Variants in GABRG3 observed in about 807,000 individuals in gnomAD.
The protein encoded by GABRG3 is gamma-aminobutyric acid type A receptor subunit gamma3.
Under a neutral mutation model 48.8 loss-of-function variants are expected in GABRG3, and 25 were observed. The observed-to-expected ratio is 0.51, with a 90% CI of 0.37 to 0.72. The LOEUF (loss-of-function observed/expected upper bound fraction) is 0.72, where lower values mean the gene tolerates loss of function less well. Ranked by LOEUF, GABRG3 falls within the 30% of genes least tolerant of loss-of-function variation. GABRG3 has a pLI of 0.00. For missense variants in GABRG3, 394 were observed against 577.9 expected (o/e 0.68, Z 3.26); for synonymous variants, 227 against 217.6 (o/e 1.04, Z -0.38).
rs1468649460 is a variant in GABRG3, at chr15:27,500,950, A to ATTT, written c.713-19021_713-19020insTTT. Among the ~76,000 whole-genome samples, 480 of 108,308 alleles carry ATTT rather than the reference A, an allele frequency of 4.4e-3. 2 individuals are homozygous for ATTT. The highest frequency in any genetic ancestry group is 0.019 in the African/African-American group (465 of 24,842). 71.1% of individuals were successfully genotyped at this position (108,308 alleles called of 152,430 possible). A position where few individuals can be genotyped will look rare whatever the true frequency, so the allele number is the denominator to read the frequency against. ...GTCTGAGAAAAATAGGAAGTAACGT[A>ATTT]TGTTTTTTTTTTTTTTTTTTGAGAC... On this transcript the variant is annotated intron_variant, in intron 6 of 9. Coordinates refer to ENST00000615808, the MANE Select transcript of GABRG3 (RefSeq NM_033223.5).
chr15:27,320,687 CCA>C (rs1323377828), intron 3 of GABRG3, among the ~76,000 whole-genome samples: 1 of 151,886 alleles, frequency 6.6e-6, no homozygotes, highest in Non-Finnish European at 1.5e-5. Flanking sequence ...GAGTTTGCAG[CCA>C]AAAGATGCAG....
chr15:27,470,726 T>C (rs965009321), intron 5 of GABRG3, among the ~76,000 whole-genome samples: 1 of 152,162 alleles, frequency 6.6e-6, no homozygotes, highest in African/African-American at 2.4e-5. Context: ...TTGCCATTTT[T>C]ACTTTTCTTA....
chr15:27,199,371 A>T (rs1888608759), intron 3 of GABRG3, among the ~76,000 whole-genome samples: 1 of 152,112 alleles, frequency 6.6e-6, no homozygotes, highest in Non-Finnish European at 1.5e-5. Context: ...CGTTTGATGG[A>T]GTATGAGCGA....
chr15:27,162,980 T>C (rs1887246424), intron 3 of GABRG3, among the ~76,000 whole-genome samples: 1 of 151,924 alleles, frequency 6.6e-6, no homozygotes, highest in Admixed American at 6.5e-5. Context: ...CCTACAATCT[T>C]AGTAGGTGAC....
chr15:27,425,470 G>A (rs948170167), intron 5 of GABRG3, among the ~76,000 whole-genome samples: 2 of 142,774 alleles, frequency 1.4e-5, no homozygotes, highest in Non-Finnish European at 3.0e-5. Flanking sequence ...AAAAAAATAG[G>A]CGTGGTGGTG....
chr15:27,488,061 A>G (rs1890262861), intron 6 of GABRG3, among the ~76,000 whole-genome samples: 1 of 152,156 alleles, frequency 6.6e-6, no homozygotes, highest in African/African-American at 2.4e-5. Flanking sequence ...CACTGGATAA[A>G]AGCCAAACAG....
At chr15:27,453,561 G>C (rs1889172975) in intron 5 of GABRG3, among the ~76,000 whole-genome samples, 1 of 152,068 alleles carries the variant, frequency 6.6e-6, no homozygotes, top group Non-Finnish European at 1.5e-5. Flanking sequence ...TCCTTCAAAG[G>C]ATTTTAAATG....
chr15:27,329,090 C>T (rs114527718), intron 5 of GABRG3, among the ~76,000 whole-genome samples: 185 of 152,216 alleles, frequency 1.2e-3, no homozygotes, highest in African/African-American at 4.0e-3. Context: ...TAGGTGATCT[C>T]GATAAGGCTG....
intron 5 of GABRG3, among the ~76,000 whole-genome samples, chr15:27,396,742 CAACT>C (rs1887310112): frequency 6.6e-6 from 1 of 152,122 alleles, no homozygotes; most frequent in African/African-American, 2.4e-5. Context: ...AGACTTCCTT[CAACT>C]GATTAATTGA....
chr15:27,050,082 A>G (rs770157761), intron 3 of GABRG3, among the ~76,000 whole-genome samples: 4 of 152,206 alleles, frequency 2.6e-5, no homozygotes, highest in Non-Finnish European at 5.9e-5. Flanking sequence ...GAGGAAGAAG[A>G]TTTAAATTTA....
chr15:27,306,679 T>TACACA (rs1566768796), intron 3 of GABRG3, among the ~76,000 whole-genome samples: 1 of 80,684 alleles, frequency 1.2e-5, no homozygotes, highest in African/African-American at 4.7e-5. Context: ...TATATAAACA[T>TACACA]ATATATGAAC....
At chr15:27,108,174 A>G (rs1386952905) in intron 3 of GABRG3, among the ~76,000 whole-genome samples, 6 of 151,864 alleles carry the variant, frequency 4.0e-5, no homozygotes, top group Non-Finnish European at 8.8e-5. Context: ...ATTCTTTTCT[A>G]ATACATTTGT....
intron 2 of GABRG3, among the ~76,000 whole-genome samples, chr15:27,013,065 A>G (rs773883451): frequency 2.6e-5 from 4 of 152,132 alleles, no homozygotes; most frequent in Non-Finnish European, 5.9e-5. Context: ...AAAATAAAAT[A>G]TTTTGTAGTA....
intron 3 of GABRG3, among the ~76,000 whole-genome samples, chr15:27,313,264 ATAT>A (rs1893078741): frequency 9.0e-5 from 1 of 11,154 alleles, no homozygotes; most frequent in Non-Finnish European, 1.6e-4. Flanking sequence ...GTGTGTGTGT[ATAT>A]ATATATATAT....
At chr15:27,441,216 A>AAAG (rs1888774318) in intron 5 of GABRG3, among the ~76,000 whole-genome samples, 1 of 152,196 alleles carries the variant, frequency 6.6e-6, no homozygotes, top group Non-Finnish European at 1.5e-5. Context: ...TTTCTTTTTC[A>AAAG]AAGGAATGGA....
At position 27,302,232 on chromosome 15, in the gene GABRG3, A is replaced by G. The variant is rs541209826; in HGVS notation, c.271-24577A>G. Among the ~76,000 whole-genome samples the G allele has an allele frequency of 1.5e-3, 229 of 152,272 alleles. 1 individual carries two copies. Among genetic ancestry groups the G allele is most frequent in the African/African-American group, 5.3e-3 (219 of 41,572 alleles). On this transcript the variant is annotated intron_variant, in intron 3 of 9. Coordinates refer to ENST00000615808, the MANE Select transcript of GABRG3 (RefSeq NM_033223.5). Reference sequence around the variant, plus strand: ...GTCTGATAGAATTCTCCATGTATGTATAAGACAGCTATAGAATAAAGTGGA... The same window carrying G: ...GTCTGATAGAATTCTCCATGTATGTGTAAGACAGCTATAGAATAAAGTGGA...
intron 5 of GABRG3, among the ~76,000 whole-genome samples, chr15:27,338,564 T>G (rs1481072766): frequency 6.6e-6 from 1 of 152,126 alleles, no homozygotes; most frequent in Admixed American, 6.5e-5. Context: ...TGCAGAGTGT[T>G]GACTTGGGGA....
At chr15:27,305,468 G>C (rs1892368784) in intron 3 of GABRG3, among the ~76,000 whole-genome samples, 1 of 148,558 alleles carries the variant, frequency 6.7e-6, no homozygotes. Flanking sequence ...TATGGATTGT[G>C]TGTGTGTGGT....
At chr15:27,353,426 C>CTATTTATTTATTTATTTATTTATTTATT (rs59969384) in intron 5 of GABRG3, among the ~76,000 whole-genome samples, 1 of 146,016 alleles carries the variant, frequency 6.8e-6, no homozygotes, top group Non-Finnish European at 1.5e-5. Flanking sequence ...TTCTTTCTTT[C>CTATTTATTTATTTATTTATTTATTTATT]TATTTATTTA....
Sources: allele counts gnomAD v4.1 joint callset (sites outside exome capture counted in the v4.1 genomes callset), GRCh38; gene constraint gnomAD v4.1.1; transcripts MANE v1.5; gene names NCBI Gene and HGNC (gene_info 2026-07-23, HGNC 2026-07-21).